ADCY2: variants seen among roughly 807,000 people sequenced by gnomAD.
ADCY2 encodes adenylate cyclase type 2.
In ADCY2, 31 loss-of-function variants were observed where a neutral mutation model predicts 125.2. The ratio of observed to expected loss-of-function variants is 0.25; its 90% confidence interval spans 0.19 to 0.33. The LOEUF (loss-of-function observed/expected upper bound fraction) is 0.33, where lower values mean the gene tolerates loss of function less well. ADCY2 is among the 10% of genes least tolerant of loss of function. The probability of loss-of-function intolerance (pLI) is 1.00; values close to 1 mark genes in which losing one functional copy is unlikely to be tolerated. For synonymous variants in ADCY2, 512 were observed against 548.4 expected, an observed-to-expected ratio of 0.93 and a Z score of 0.93; for missense variants, 904 against 1,418.2, an observed-to-expected ratio of 0.64 and a Z score of 5.82.
intron 2 of ADCY2, among the ~76,000 whole-genome samples, chr5:7,471,177 A>G (rs1742320387): frequency 6.6e-6 from 1 of 151,924 alleles, no homozygotes; most frequent in African/African-American, 2.4e-5. Context: ...TATAGACAGC[A>G]TACATCATGT....
intron 3 of ADCY2, among the ~76,000 whole-genome samples, chr5:7,589,506 G>GAAAGAAAGAAAGAAAAGAAAAGA (rs530283052): frequency 1.8e-4 from 17 of 93,894 alleles, no homozygotes; most frequent in East Asian, 9.9e-4. Context: ...AAGAAAGAAA[G>GAAAGAAAGAAAGAAAAGAAAAGA]AAAGAAAAGA....
At chr5:7,433,725 C>G (rs565044048) in intron 2 of ADCY2, among the ~76,000 whole-genome samples, 5 of 151,800 alleles carry the variant, frequency 3.3e-5, no homozygotes, top group African/African-American at 1.2e-4. Flanking sequence ...GGCCTAGATA[C>G]AAATAAAGAG....
intron 2 of ADCY2, among the ~76,000 whole-genome samples, chr5:7,429,322 A>G (rs1740504585): frequency 6.6e-6 from 1 of 152,216 alleles, no homozygotes; most frequent in African/African-American, 2.4e-5. Context: ...TTACTCAGAG[A>G]TTTTAGTACC....
chr5:7,812,560 C>T (rs2126533043), intron 22 of ADCY2, among the ~76,000 whole-genome samples: 1 of 152,326 alleles, frequency 6.6e-6, no homozygotes, highest in Admixed American at 6.5e-5. Context: ...CCCAGGGATG[C>T]AGGCTGAATG....
intron 3 of ADCY2, among the ~76,000 whole-genome samples, chr5:7,557,521 C>G (rs1172523685): frequency 2.0e-5 from 3 of 152,090 alleles, no homozygotes; most frequent in Non-Finnish European, 2.9e-5. Flanking sequence ...TCCTCTCCCT[C>G]CTCCCACCCT....
intron 4 of ADCY2, among the ~76,000 whole-genome samples, chr5:7,645,565 C>G (rs760968575): frequency 2.1e-4 from 32 of 152,152 alleles, no homozygotes; most frequent in African/African-American, 7.5e-4. Context: ...GTTGGATCAC[C>G]AGGTTACCAG....
At chr5:7,695,251 C>G (rs943738039) in intron 5 of ADCY2, among the ~76,000 whole-genome samples, 3 of 152,216 alleles carry the variant, frequency 2.0e-5, no homozygotes, top group Admixed American at 2.0e-4. Context: ...CTGGCCTCCT[C>G]ACTGTCCAAT....
intron 2 of ADCY2, among the ~76,000 whole-genome samples, chr5:7,438,550 G>C (rs1561025742): frequency 6.6e-6 from 1 of 152,146 alleles, no homozygotes; most frequent in Non-Finnish European, 1.5e-5. Context: ...GGACTCAGGG[G>C]TGTGGCTGTG....
chr5:7,791,326 C>T (rs146424378), intron 20 of ADCY2, among the ~76,000 whole-genome samples: 111 of 152,098 alleles, frequency 7.3e-4, no homozygotes, highest in African/African-American at 2.5e-3. Context: ...GTGGGGGTCA[C>T]CTGTAGATGG....
At chr5:7,767,083 T>C (rs753372098) in intron 17 of ADCY2, among the ~76,000 whole-genome samples, 4 of 152,218 alleles carry the variant, frequency 2.6e-5, no homozygotes, top group Non-Finnish European at 4.4e-5. Context: ...TTCTAGCATA[T>C]TTCCTACCAT....
At chr5:7,662,169 CA>C (rs1173566379) in intron 4 of ADCY2, among the ~76,000 whole-genome samples, 2 of 151,988 alleles carry the variant, frequency 1.3e-5, no homozygotes, top group Admixed American at 1.3e-4. Flanking sequence ...ACACAAACAC[CA>C]AAAAGAAAAA....
intron 3 of ADCY2, among the ~76,000 whole-genome samples, chr5:7,619,613 C>T (rs909108373): frequency 1.3e-5 from 2 of 152,158 alleles, no homozygotes; most frequent in African/African-American, 4.8e-5. Context: ...TCATACAGCT[C>T]ACTTGTTTCA....
chr5:7,658,407 G>A (rs902519622), intron 4 of ADCY2, among the ~76,000 whole-genome samples: 4 of 139,168 alleles, frequency 2.9e-5, no homozygotes, highest in African/African-American at 1.0e-4. Context: ...AATTGTGTGT[G>A]TGTGTGTGTG....
intron 7 of ADCY2, among the ~76,000 whole-genome samples, chr5:7,703,423 A>T (rs1741155863): frequency 6.6e-6 from 1 of 151,768 alleles, no homozygotes; most frequent in Non-Finnish European, 1.5e-5. Context: ...GAAGGGATCC[A>T]GTTTCGGCTT....
chr5:7,570,845 A>G (rs1280939995), intron 3 of ADCY2, among the ~76,000 whole-genome samples: 2 of 152,134 alleles, frequency 1.3e-5, no homozygotes, highest in African/African-American at 4.8e-5. Flanking sequence ...TGTGTTTAAA[A>G]TTGTAACATA....
chr5:7,770,246 A>G (rs1192188651), intron 17 of ADCY2, among the ~76,000 whole-genome samples: 2 of 152,372 alleles, frequency 1.3e-5, no homozygotes, highest in Admixed American at 6.5e-5. Flanking sequence ...AAACCTTAGC[A>G]TATTTTATAG....
At chr5:7,492,204 T>C (rs1269071069) in intron 2 of ADCY2, among the ~76,000 whole-genome samples, 1 of 152,174 alleles carries the variant, frequency 6.6e-6, no homozygotes, top group African/African-American at 2.4e-5. Flanking sequence ...CACAAATCAC[T>C]GTGTCATGCT....
At chr5:7,602,200 A>T (rs919322) in intron 3 of ADCY2, among the ~76,000 whole-genome samples, 22,045 of 152,254 alleles carry the variant, frequency 0.14, 2,026 homozygotes, top group East Asian at 0.43. Context: ...GTAAGGTCAC[A>T]TTCACAGGTT....
In ADCY2 at chr5:7,816,889, C is replaced by T; in HGVS notation, c.2907C>T (p.His969=). 1 of 1,614,194 alleles carries T rather than the reference C, an allele frequency of 6.2e-7. No homozygotes were observed. Among genetic ancestry groups the T allele is most frequent in the Non-Finnish European group, 8.5e-7 (1 of 1,180,024 alleles). ...HSQEPERQYM[H]IGTMVEFAFA... The stretch of plus-strand genomic sequence containing the variant: ...AGGAGCCCGAGCGGCAGTACATGCA[C>T]ATTGGCACCATGGTGGAGTTTGCTT... Residue 969 remains histidine (H), a synonymous_variant, in exon 23 of 25, where the codon CAC becomes CAT. Coordinates refer to ENST00000338316, the MANE Select transcript of ADCY2 (RefSeq NM_020546.3).
Sources: allele counts gnomAD v4.1 joint callset (sites outside exome capture counted in the v4.1 genomes callset), GRCh38; gene constraint gnomAD v4.1.1; transcripts MANE v1.5; gene names NCBI Gene and HGNC (gene_info 2026-07-23, HGNC 2026-07-21).